The following SYNE2 variants were observed in gnomAD, a reference collection of about 807,000 sequenced individuals.
The protein encoded by SYNE2 is spectrin repeat containing nuclear envelope protein 2, also known as nesprin-2.
Under a neutral mutation model 856.3 loss-of-function variants are expected in SYNE2, and 431 were observed. That is an observed-to-expected ratio of 0.50 (90% CI 0.47 to 0.55). The LOEUF (loss-of-function observed/expected upper bound fraction) is 0.55. Among genes scored for constraint, SYNE2 ranks in the 20% least tolerant of loss-of-function variants. The probability of loss-of-function intolerance (pLI) is 0.00; values close to 1 mark genes in which losing one functional copy is unlikely to be tolerated. For synonymous variants in SYNE2, 2,923 were observed against 2,872.3 expected, an observed-to-expected ratio of 1.02 and a Z score of -0.56; for missense variants, 8,129 against 8,023.2, an observed-to-expected ratio of 1.01 and a Z score of -0.50.
intron 11 of SYNE2, among the ~76,000 whole-genome samples, chr14:63,970,962 C>G (rs891010008): frequency 2.0e-5 from 3 of 151,692 alleles, no homozygotes; most frequent in Non-Finnish European, 4.4e-5. Context: ...CCCCGTTTCT[C>G]CCTTTTTTGC....
At chr14:64,106,886 A>G (rs2097775305) in intron 64 of SYNE2, among the ~76,000 whole-genome samples, 2 of 152,210 alleles carry the variant, frequency 1.3e-5, no homozygotes, top group South Asian at 4.1e-4. Context: ...ATTTTTCATA[A>G]CTAGAATTTA....
upstream of SYNE2, among the ~76,000 whole-genome samples, chr14:63,851,337 G>A (rs1890436507): frequency 6.6e-6 from 1 of 152,116 alleles, no homozygotes; most frequent in African/African-American, 2.4e-5. Context: ...CTCCAGCCTG[G>A]GCAACAGAGC....
chr14:63,782,775 A>T (rs1887365084), intron 1 of SYNE2, among the ~76,000 whole-genome samples: 1 of 152,048 alleles, frequency 6.6e-6, no homozygotes, highest in African/African-American at 2.4e-5. Flanking sequence ...AAAACATGAC[A>T]GAATATTCAC....
chr14:63,804,447 T>C (rs1218089470), intron 1 of SYNE2, among the ~76,000 whole-genome samples: 1 of 152,182 alleles, frequency 6.6e-6, no homozygotes, highest in Non-Finnish European at 1.5e-5. Context: ...ATGACCTATA[T>C]CCAGAATGGT....
chr14:64,001,914 C>G lies in SYNE2; in HGVS notation c.3639-20C>G, dbSNP rs1250644176. On this transcript the variant is annotated intron_variant, in intron 28 of 115. Transcript: ENST00000555002. ...TTTCTGCTGTGTTTTCCCCTCATGT[C>G]TGATTTACCTTGCACCCAGAATGGA... is the stretch of plus-strand genomic sequence containing the variant. 2 of 1,614,034 alleles carry G rather than the reference C, an allele frequency of 1.2e-6. No individual in the cohort carries two copies. Among genetic ancestry groups the G allele is most frequent in the South Asian group, 1.1e-5 (1 of 91,062 alleles).
At chr14:64,007,600 C>T (rs572009044) in intron 31 of SYNE2, among the ~76,000 whole-genome samples, 20 of 152,196 alleles carry the variant, frequency 1.3e-4, no homozygotes, top group African/African-American at 4.3e-4. Flanking sequence ...AAATAGGCTG[C>T]GTGAGGTGGC....
rs1242087380 is a variant in SYNE2 at position 64,021,757 on chromosome 14, G to A, written c.5353-100G>A. On this transcript the variant is annotated intron_variant, in intron 36 of 115. Coordinates refer to ENST00000555002, the MANE Select transcript of SYNE2 (RefSeq NM_182914.3). Reference sequence around the variant, plus strand: ...AGAGAAAGTGAATCCACTCAACAGAGAGTCATTGAGATTTTTACAAAACAA... The same window carrying A: ...AGAGAAAGTGAATCCACTCAACAGAAAGTCATTGAGATTTTTACAAAACAA... The A allele has an allele frequency of 6.2e-6, 8 of 1,298,962 alleles. No homozygotes were observed. In the East Asian group the frequency reaches 1.9e-4, roughly 31 times the overall value. 80.5% of individuals were successfully genotyped at this position (1,298,962 alleles called of 1,614,324 possible). A position where few individuals can be genotyped will look rare whatever the true frequency, so the allele number is the denominator to read the frequency against.
intron 11 of SYNE2, among the ~76,000 whole-genome samples, chr14:63,976,210 C>T (rs907524134): frequency 1.3e-5 from 2 of 152,164 alleles, no homozygotes; most frequent in African/African-American, 2.4e-5. Context: ...CAAGGACATA[C>T]GGCATTTCAA....
In SYNE2 at chr14:64,168,769, T is replaced by C. The variant is rs1317024351; in HGVS notation, c.16906-108T>C. 3 of 765,410 alleles carry C rather than the reference T, an allele frequency of 3.9e-6. No individual in the cohort carries two copies. The East Asian group carries it at 8.1e-5, about 21-fold the overall frequency. 47.4% of individuals were successfully genotyped at this position (765,410 alleles called of 1,614,324 possible). On this transcript the variant is annotated intron_variant, in intron 92 of 115. Coordinates refer to ENST00000555002, the MANE Select transcript of SYNE2 (RefSeq NM_182914.3). ...TAGGTTCAAATAATATGAAAATTAA[T>C]TATCCCTCATATCCTTTGTAAGCTT...
intron 1 of SYNE2, among the ~76,000 whole-genome samples, chr14:63,777,710 C>T (rs984932299): frequency 2.0e-5 from 3 of 152,062 alleles, no homozygotes; most frequent in African/African-American, 7.2e-5. Flanking sequence ...GCTCTGTCAC[C>T]CAGGCTGGAG....
At chr14:63,958,309 T>G (rs1156763083) in intron 8 of SYNE2, among the ~76,000 whole-genome samples, 1 of 152,242 alleles carries the variant, frequency 6.6e-6, no homozygotes. Flanking sequence ...ACATTATATT[T>G]AGCTGTCATA....
At chr14:63,919,972 G>GTTTTTTTTTTTTTTTTTTTTTTTTTTTTT (rs10673123) in intron 2 of SYNE2, among the ~76,000 whole-genome samples, 5 of 110,604 alleles carry the variant, frequency 4.5e-5, no homozygotes, top group African/African-American at 1.5e-4. Flanking sequence ...TAAAAGGTAA[G>GTTTTTTTTTTTTTTTTTTTTTTTTTTTTT]TTTTTTTTTT....
At chr14:63,955,037 T>C in intron 8 of SYNE2, 122 bp downstream of exon 8, 1 of 800,224 alleles carries the variant, frequency 1.2e-6, no homozygotes, top group East Asian at 2.7e-5. Context: ...GGGTTTAACT[T>C]AAGCTCTTTA....
intron 8 of SYNE2, chr14:63,960,610 T>G (rs2096298173): frequency 1.7e-6 from 1 of 573,690 alleles, no homozygotes; most frequent in African/African-American, 1.9e-5. Context: ...AGTGAAGTGT[T>G]TTTTTTTTTC....
intron 1 of SYNE2, among the ~76,000 whole-genome samples, chr14:63,844,189 C>T (rs1366863889): frequency 6.6e-6 from 1 of 152,184 alleles, no homozygotes; most frequent in African/African-American, 2.4e-5. Context: ...TTGATCCCTC[C>T]ATCCCCCCAA....
At chr14:63,974,709 C>T (rs554656172) in intron 11 of SYNE2, among the ~76,000 whole-genome samples, 2 of 148,652 alleles carry the variant, frequency 1.3e-5, no homozygotes, top group African/African-American at 2.5e-5. Flanking sequence ...CAGACATGAT[C>T]CACCATGCCA....
chr14:63,864,340 G>C (rs1282166979), intron 1 of SYNE2: 1 of 152,184 alleles, frequency 6.6e-6, no homozygotes, highest in African/African-American at 2.4e-5. Flanking sequence ...TTTTATAAAA[G>C]TGTTTAATCC....
chr14:63,938,933 CGT>C, intron 2 of SYNE2, among the ~76,000 whole-genome samples: 1 of 140,170 alleles, frequency 7.1e-6, no homozygotes, highest in South Asian at 2.3e-4. Context: ...AGTGCATGTG[CGT>C]GTGTGTGCGT....
chr14:63,930,356 A>G (rs1446647402), intron 2 of SYNE2, among the ~76,000 whole-genome samples: 1 of 151,204 alleles, frequency 6.6e-6, no homozygotes, highest in Non-Finnish European at 1.5e-5. Context: ...AGTGAATTTT[A>G]TGGTACATGA....
Sources: allele counts gnomAD v4.1 joint callset (sites outside exome capture counted in the v4.1 genomes callset), GRCh38; gene constraint gnomAD v4.1.1; transcripts MANE v1.5; gene names NCBI Gene and HGNC (gene_info 2026-07-23, HGNC 2026-07-21).